C1QC: variants seen among roughly 807,000 people sequenced by gnomAD.
C1QC encodes the protein complement C1q subcomponent subunit C.
A neutral mutation model predicts 5.9 loss-of-function variants in C1QC; 4 were observed. That is an observed-to-expected ratio of 0.68 (90% CI 0.33 to 1.55). The LOEUF is 1.55. Ranked by LOEUF, C1QC falls within the 40% of genes most tolerant of loss-of-function variation. The pLI is 0.06. For missense variants in C1QC, 299 were observed against 326.9 expected, an observed-to-expected ratio of 0.91 and a Z score of 0.66; for synonymous variants, 166 against 153.8, an observed-to-expected ratio of 1.08 and a Z score of -0.59.
At chr1:22,646,002 G>A (rs1389845940) in intron 2 of C1QC, among the ~76,000 whole-genome samples, 5 of 152,212 alleles carry the variant, frequency 3.3e-5, no homozygotes, top group Admixed American at 6.5e-5. Context: ...CTTAAAAGAT[G>A]AGTATGATTT....
At position 22,647,260 on chromosome 1, in the gene C1QC, A is replaced by C. The variant is rs778430178; in HGVS notation, c.215A>C (p.Lys72Thr). The C allele has an allele frequency of 5.2e-5, 83 of 1,610,064 alleles. No individual in the cohort carries two copies. Among genetic ancestry groups the C allele is most frequent in the Non-Finnish European group, 6.8e-5 (80 of 1,179,952 alleles). Reference sequence around the variant, plus strand: ...GCCATTCCCGGGATCCGAGGACCCAAAGGGCAGAAGGGAGAACCCGGCTTA... The same window carrying C: ...GCCATTCCCGGGATCCGAGGACCCACAGGGCAGAAGGGAGAACCCGGCTTA... ...IPAIPGIRGPKGQKGEPGLPG... is the reference protein window; with the variant it reads ...IPAIPGIRGPTGQKGEPGLPG... Residue 72 changes from lysine to threonine, a missense_variant, in exon 3 of 3, where the codon AAA (lysine) becomes ACA (threonine). Transcript: ENST00000374640.
At chr1:22,647,118 G>C (rs1252302778) in intron 2 of C1QC, 109 bp from the exon 3 acceptor site, 1 of 1,291,842 alleles carries the variant, frequency 7.7e-7, no homozygotes, top group East Asian at 2.5e-5. Context: ...CTATGAGAAG[G>C]AGATTCTAGA....
Position 22,644,013 on chromosome 1 carries a change from C to G in C1QC, c.-11C>G. The G allele has an allele frequency of 5.6e-6, 9 of 1,592,972 alleles. No homozygotes were observed. The highest frequency in any genetic ancestry group is 7.7e-6 in the Non-Finnish European group (9 of 1,171,738). ...CAGCTCAGCTCTCTCCCTCCCAGTT[C>G]CTTCTCCGGGATGGACGTGGGGCCC... On this transcript the variant is annotated splice_region_variant and 5_prime_UTR_variant, in exon 2 of 3. Coordinates refer to ENST00000374640, the MANE Select transcript of C1QC (RefSeq NM_172369.5).
chr1:22,647,232 C>G lies in C1QC; in HGVS notation c.187C>G (p.Pro63Ala). 4 of 1,604,504 alleles carry G rather than the reference C, an allele frequency of 2.5e-6. No homozygotes were observed. The highest frequency in any genetic ancestry group is 3.4e-6 in the Non-Finnish European group (4 of 1,179,894). The change falls in exon 3 of 3, where the codon CCA becomes GCA. Residue 63 changes from proline (P) to alanine (A), a missense_variant. By Grantham distance (27) the Pro-to-Ala change is conservative. This residue lies in a region of C1QC where 146 missense variants were observed against 144.1 expected (regional missense o/e 1.01). Coordinates refer to ENST00000374640, the MANE Select transcript of C1QC (RefSeq NM_172369.5). The part of the protein sequence containing the change: ...LPGPKGEPGI[P>A]AIPGIRGPKG... ...TCTGCCTTCTCCATCTCCAGGAATCCCAGCCATTCCCGGGATCCGAGGACC... is the reference window on the plus strand; with the variant it reads ...TCTGCCTTCTCCATCTCCAGGAATCGCAGCCATTCCCGGGATCCGAGGACC...
intron 2 of C1QC, among the ~76,000 whole-genome samples, chr1:22,644,594 A>G (rs1040343739): frequency 6.6e-6 from 1 of 152,202 alleles, no homozygotes; most frequent in Non-Finnish European, 1.5e-5. Flanking sequence ...CACGACTGCC[A>G]GGGTTCAAAT....
chr1:22,645,661 C>T (rs1041314656), intron 2 of C1QC, among the ~76,000 whole-genome samples: 8 of 152,194 alleles, frequency 5.3e-5, no homozygotes, highest in African/African-American at 7.2e-5. Context: ...CTCCAGAGCA[C>T]GCTTCCTATG....
At chr1:22,644,656 C>T (rs1202711363) in intron 2 of C1QC, among the ~76,000 whole-genome samples, 2 of 152,198 alleles carry the variant, frequency 1.3e-5, no homozygotes, top group East Asian at 1.9e-4. Context: ...TACTTAACCT[C>T]GCAGTGCCTC....
At position 22,645,380 on chromosome 1, in the gene C1QC, G is replaced by T. The variant is rs150217827; in HGVS notation, c.181+1176G>T. ...CTCAGTTTTAGGAAATGATAAAACC[G>T]AGGCCACAATCCCTTGAAAAAGTGA... On this transcript the variant is annotated intron_variant, in intron 2 of 2. Coordinates refer to ENST00000374640, the MANE Select transcript of C1QC (RefSeq NM_172369.5). Among the ~76,000 whole-genome samples the T allele has an allele frequency of 1.3e-3, 204 of 152,190 alleles. 2 individuals are homozygous for T. In the Middle Eastern group the frequency reaches 0.014, roughly 10 times the overall value.
intron 1 of C1QC, 125 bp from the exon 2 acceptor site, chr1:22,643,886 G>A: frequency 7.2e-7 from 1 of 1,390,512 alleles, no homozygotes; most frequent in Non-Finnish European, 9.4e-7. Context: ...ATCCATCCAT[G>A]GTGAGGCTCC....
At chr1:22,646,572 C>T (rs952681519) in intron 2 of C1QC, among the ~76,000 whole-genome samples, 4 of 152,170 alleles carry the variant, frequency 2.6e-5, no homozygotes, top group African/African-American at 9.7e-5. Flanking sequence ...GTCATACAAG[C>T]TGTGTCACTG....
rs1642380879 is a variant in C1QC at position 22,647,163 on chromosome 1, C to G, written c.182-64C>G. 5 of 1,570,230 alleles carry G rather than the reference C, an allele frequency of 3.2e-6. No individual in the cohort carries two copies. In the South Asian group the frequency reaches 3.4e-5, roughly 11 times the overall value. On this transcript the variant is annotated intron_variant, in intron 2 of 2. Transcript: ENST00000374640. ...CCAGCGCTGTGTTCCCTGGAAGACACCCTCAGGGTCCCTCCTCCCTGTCCC... is the reference window on the plus strand; with the variant it reads ...CCAGCGCTGTGTTCCCTGGAAGACAGCCTCAGGGTCCCTCCTCCCTGTCCC...
chr1:22,645,761 C>T (rs1266879705), intron 2 of C1QC, among the ~76,000 whole-genome samples: 1 of 152,180 alleles, frequency 6.6e-6, no homozygotes, highest in Non-Finnish European at 1.5e-5. Flanking sequence ...AATACAGGCT[C>T]AGGGAGGGAG....
Position 22,644,107 on chromosome 1 carries a change from C to T in C1QC, c.84C>T (p.Ala28=). 6.3e-7 allele frequency: 1 copy of T among 1,581,930 alleles called. No individual in the cohort carries two copies. Among genetic ancestry groups the T allele is most frequent in the Non-Finnish European group, 8.6e-7 (1 of 1,164,930 alleles). The change falls in exon 2 of 3, where the codon GCC becomes GCT. Residue 28 remains alanine (A), a synonymous_variant. Coordinates refer to ENST00000374640, the MANE Select transcript of C1QC (RefSeq NM_172369.5). ...LLLLLPLRGQ[A]NTGCYGIPGM... ...TGCTGCTGCCCCTCAGGGGCCAAGC[C>T]AACACAGGCTGCTACGGGATCCCAG...
At chr1:22,645,493 CT>C (rs1557605007) in intron 2 of C1QC, among the ~76,000 whole-genome samples, 1 of 152,174 alleles carries the variant, frequency 6.6e-6, no homozygotes, top group South Asian at 2.1e-4. Context: ...CTGTCCAACT[CT>C]CAAGTCCACA....
At position 22,647,847 on chromosome 1, in the gene C1QC, C is replaced by T; in HGVS notation, c.*64C>T. ...TCCCTCAGCTTCCTGCATGGACCCA[C>T]CTTACTGGCCAGTCTGCATCCTTGC... On this transcript the variant is annotated 3_prime_UTR_variant, in exon 3 of 3. Coordinates refer to ENST00000374640, the MANE Select transcript of C1QC (RefSeq NM_172369.5). 2 of 1,589,736 alleles carry T rather than the reference C, an allele frequency of 1.3e-6. No individual in the cohort carries two copies. The highest frequency in any genetic ancestry group is 1.7e-6 in the Non-Finnish European group (2 of 1,173,746).
Position 22,644,164 on chromosome 1 carries a change from G to A in C1QC, c.141G>A (p.Lys47=), listed in dbSNP as rs1199271545. The A allele has an allele frequency of 1.9e-6, 3 of 1,587,500 alleles. No individual in the cohort carries two copies. Among genetic ancestry groups the A allele is most frequent in the South Asian group, 1.2e-5 (1 of 86,558 alleles). ...CCGGCCTGCCCGGGGCACCAGGGAA[G>A]GATGGGTACGACGGACTGCCGGGGC... is the stretch of plus-strand genomic sequence containing the variant. The part of the protein sequence containing the change: ...GMPGLPGAPG[K]DGYDGLPGPK... The change falls in exon 2 of 3, where the codon AAG becomes AAA. Residue 47 remains lysine (K), a synonymous_variant. Coordinates refer to ENST00000374640, the MANE Select transcript of C1QC (RefSeq NM_172369.5).
At position 22,648,083 on chromosome 1, in the gene C1QC, T is replaced by C. The variant is rs1016404643; in HGVS notation, c.*300T>C. The C allele has an allele frequency of 4.3e-6, 2 of 459,960 alleles. No homozygotes were observed. The highest frequency in any genetic ancestry group is 3.8e-5 in the East Asian group (1 of 26,402). The allele number at this position is 459,960 out of a possible 1,614,324, so 28.5% of individuals were successfully genotyped here. A position where few individuals can be genotyped will look rare whatever the true frequency, so the allele number is the denominator to read the frequency against. ...AAGTATTGGAAGGGGTGGGGAGATA[T>C]ATAAATAAATCATGAAATCAATACA... On this transcript the variant is annotated 3_prime_UTR_variant, in exon 3 of 3. Transcript: ENST00000374640.
chr1:22,646,586 A>T (rs1443123140), intron 2 of C1QC, among the ~76,000 whole-genome samples: 1 of 152,194 alleles, frequency 6.6e-6, no homozygotes, highest in Non-Finnish European at 1.5e-5. Context: ...GTCACTGGGG[A>T]AAACTGGGTG....
Position 22,647,794 on chromosome 1 carries a change from T to C in C1QC, c.*11T>C. 1.3e-6 allele frequency: 2 copies of C among 1,599,384 alleles called. No homozygotes were observed. The highest frequency in any genetic ancestry group is 2.2e-5 in the East Asian group (1 of 44,850). On this transcript the variant is annotated 3_prime_UTR_variant, in exon 3 of 3. Transcript: ENST00000374640. ...CTCTTCCCCGACTAGGGCGGGCAGA[T>C]GCGCTCGAGCCCCACGGGCCTTCCA... is the stretch of plus-strand genomic sequence containing the variant.
Sources: gnomAD v4.1 joint callset for allele counts (sites outside exome capture counted in the v4.1 genomes callset) on GRCh38, gnomAD v4.1.1 for gene constraint, gnomAD v4.1.1 regional missense constraint, MANE v1.5 for transcripts, NCBI Gene and HGNC (gene_info 2026-07-23, HGNC 2026-07-21) for gene names.